LRRC4C: variants seen among roughly 807,000 people sequenced by gnomAD.
LRRC4C encodes leucine-rich repeat-containing protein 4C.
Under a neutral mutation model 33.6 loss-of-function variants are expected in LRRC4C, and 5 were observed. The observed-to-expected ratio is 0.15, with a 90% CI of 0.08 to 0.31. The LOEUF (loss-of-function observed/expected upper bound fraction) is 0.31, where lower values mean the gene tolerates loss of function less well. Ranked by LOEUF, LRRC4C falls within the 10% of genes least tolerant of loss-of-function variation. The pLI is 1.00. For missense variants in LRRC4C, 560 were observed against 796.7 expected (o/e 0.70, Z 3.58); for synonymous variants, 329 against 302.0 (o/e 1.09, Z -0.93).
intron 3 of LRRC4C, among the ~76,000 whole-genome samples, chr11:40,347,228 C>T (rs912340218): frequency 6.6e-6 from 1 of 152,180 alleles, no homozygotes; most frequent in African/African-American, 2.4e-5. Context: ...TGCTACTTCA[C>T]CTTATACTTT....
chr11:41,115,674 T>C (rs2135728186), intron 1 of LRRC4C, among the ~76,000 whole-genome samples: 1 of 152,180 alleles, frequency 6.6e-6, no homozygotes, highest in East Asian at 1.9e-4. Flanking sequence ...ATGAAATACC[T>C]CAATGTTTTA....
At chr11:40,517,868 AG>A (rs1955636089) in intron 3 of LRRC4C, among the ~76,000 whole-genome samples, 1 of 152,186 alleles carries the variant, frequency 6.6e-6, no homozygotes, top group Non-Finnish European at 1.5e-5. Context: ...CTATACTACA[AG>A]TCTACAATAA....
intron 1 of LRRC4C, among the ~76,000 whole-genome samples, chr11:41,248,651 C>T (rs957732945): frequency 6.6e-6 from 1 of 152,050 alleles, no homozygotes; most frequent in Non-Finnish European, 1.5e-5. Context: ...TACTTACTTC[C>T]TAAATGCTTC....
At chr11:40,474,818 C>A (rs1953124970) in intron 3 of LRRC4C, among the ~76,000 whole-genome samples, 1 of 152,016 alleles carries the variant, frequency 6.6e-6, no homozygotes, top group Non-Finnish European at 1.5e-5. Flanking sequence ...ATGTGGCCAA[C>A]AAACATATGA....
chr11:41,407,364 T>C (rs1217531975), intron 1 of LRRC4C, among the ~76,000 whole-genome samples: 2 of 151,232 alleles, frequency 1.3e-5, no homozygotes, highest in East Asian at 2.0e-4. Flanking sequence ...TGCAGTGTCA[T>C]GATTACAGCT....
intron 5 of LRRC4C, among the ~76,000 whole-genome samples, chr11:40,199,496 G>T (rs1862534703): frequency 1.3e-5 from 2 of 152,126 alleles, no homozygotes; most frequent in Non-Finnish European, 2.9e-5. Context: ...TGAGCCACTA[G>T]GTTTTGAGCT....
At chr11:40,857,197 T>G (rs1565139468) in intron 2 of LRRC4C, among the ~76,000 whole-genome samples, 1 of 152,186 alleles carries the variant, frequency 6.6e-6, no homozygotes, top group East Asian at 1.9e-4. Flanking sequence ...CCACACACAT[T>G]TTTTAAAAAT....
chr11:40,667,804 C>A (rs955130553), intron 2 of LRRC4C, among the ~76,000 whole-genome samples: 5 of 152,176 alleles, frequency 3.3e-5, no homozygotes, highest in African/African-American at 9.7e-5. Context: ...GAGAAGGCAG[C>A]CTGGCCAACC....
At chr11:40,756,843 G>A (rs1210639755) in intron 2 of LRRC4C, among the ~76,000 whole-genome samples, 2 of 151,886 alleles carry the variant, frequency 1.3e-5, no homozygotes, top group African/African-American at 2.4e-5. Context: ...TACAGTTCAA[G>A]CTAGAGGACA....
At chr11:41,297,275 A>G (rs1407423184) in intron 1 of LRRC4C, among the ~76,000 whole-genome samples, 1 of 152,098 alleles carries the variant, frequency 6.6e-6, no homozygotes, top group African/African-American at 2.4e-5. Context: ...GCGTTATTGG[A>G]TTCGGTTTGC....
At chr11:40,491,610 C>A (rs1445096260) in intron 3 of LRRC4C, among the ~76,000 whole-genome samples, 1 of 152,126 alleles carries the variant, frequency 6.6e-6, no homozygotes, top group Non-Finnish European at 1.5e-5. Context: ...GCTCTCTACA[C>A]AACATGGCTA....
At chr11:41,457,249 C>T (rs1956198312) in intron 1 of LRRC4C, among the ~76,000 whole-genome samples, 1 of 152,168 alleles carries the variant, frequency 6.6e-6, no homozygotes, top group South Asian at 2.1e-4. Context: ...GAGAGAGGTA[C>T]TAATTTGCCA....
chr11:40,468,528 C>A (rs1256230546), intron 3 of LRRC4C, among the ~76,000 whole-genome samples: 2 of 151,786 alleles, frequency 1.3e-5, no homozygotes, highest in Admixed American at 1.3e-4. Flanking sequence ...TTTGATCAAA[C>A]AACTGGGCTT....
chr11:41,389,355 G>A lies in LRRC4C; in HGVS notation c.-496+70076C>T, dbSNP rs1449319311. 2.0e-5 allele frequency among the ~76,000 whole-genome samples: 3 copies of A among 151,732 alleles called. No homozygotes were observed. In the Middle Eastern group the frequency reaches 9.5e-3, roughly 480 times the overall value. ...CCAGAGTCCCTGATTCTGATTCTGAGACTGCATAATTTATATCATGGTTGT... is the reference window on the plus strand; with the variant it reads ...CCAGAGTCCCTGATTCTGATTCTGAAACTGCATAATTTATATCATGGTTGT... On this transcript the variant is annotated intron_variant, in intron 1 of 6. Coordinates refer to ENST00000528697, the MANE Select transcript of LRRC4C (RefSeq NM_001258419.2).
intron 3 of LRRC4C, among the ~76,000 whole-genome samples, chr11:40,539,477 G>A (rs1956615717): frequency 1.3e-5 from 2 of 151,968 alleles, no homozygotes; most frequent in Non-Finnish European, 1.5e-5. Flanking sequence ...TGTTAAATAA[G>A]TTTGAAGCTC....
chr11:41,238,052 A>G (rs1166682345), intron 1 of LRRC4C, among the ~76,000 whole-genome samples: 2 of 152,130 alleles, frequency 1.3e-5, no homozygotes, highest in African/African-American at 4.8e-5. Flanking sequence ...TCTTTTCCTA[A>G]ACAAATTCCC....
At chr11:41,030,879 T>C (rs560957087) in intron 1 of LRRC4C, among the ~76,000 whole-genome samples, 141 of 151,900 alleles carry the variant, frequency 9.3e-4, no homozygotes, top group Non-Finnish European at 1.6e-3. Context: ...ACTTTCATTA[T>C]ATATGAGGCC....
At chr11:40,578,139 CGGTTTTTTTTT>C (rs1958286600) in intron 3 of LRRC4C, among the ~76,000 whole-genome samples, 1 of 6,152 alleles carries the variant, frequency 1.6e-4, no homozygotes, top group Non-Finnish European at 2.9e-4. Context: ...TTTTTTTTTT[CGGTTTTTTTTT>C]TTTTTTTTTT....
chr11:41,026,674 C>T (rs796988939), intron 1 of LRRC4C, among the ~76,000 whole-genome samples: 37 of 150,898 alleles, frequency 2.5e-4, no homozygotes, highest in African/African-American at 9.0e-4. Flanking sequence ...CCACAGATAC[C>T]CCAACCTTCA....
Sources: gnomAD v4.1 joint callset for allele counts (sites outside exome capture counted in the v4.1 genomes callset) on GRCh38, gnomAD v4.1.1 for gene constraint, MANE v1.5 for transcripts, NCBI Gene and HGNC (gene_info 2026-07-23, HGNC 2026-07-21) for gene names.